EYS: variants seen among roughly 807,000 people sequenced by gnomAD.
EYS encodes the protein EGF-like photoreceptor maintenance factor, also known as protein eyes shut homolog.
Under a neutral mutation model 282.1 loss-of-function variants are expected in EYS, and 250 were observed. The ratio of observed to expected loss-of-function variants is 0.89; its 90% CI spans 0.80 to 0.98. The LOEUF (loss-of-function observed/expected upper bound fraction) is 0.98, where lower values mean the gene tolerates loss of function less well. EYS is among the 50% of genes least tolerant of loss of function. EYS has a pLI of 0.00. For synonymous variants in EYS, 1,355 were observed against 1,282.9 expected (o/e 1.06, Z -1.20); for missense variants, 4,016 against 3,709.0 (o/e 1.08, Z -2.15).
intron 12 of EYS, among the ~76,000 whole-genome samples, chr6:65,176,480 A>T (rs1433373350): frequency 6.6e-6 from 1 of 151,660 alleles, no homozygotes; most frequent in Non-Finnish European, 1.5e-5. Flanking sequence ...TTTTACTTTT[A>T]TATAATGACA....
At chr6:64,705,642 C>A (rs1770978831) in intron 22 of EYS, among the ~76,000 whole-genome samples, 1 of 151,574 alleles carries the variant, frequency 6.6e-6, no homozygotes, top group Admixed American at 6.6e-5. Context: ...GAATACTATG[C>A]AGCCATAAAA....
chr6:64,125,175 TCG>T (rs199961811), intron 31 of EYS, among the ~76,000 whole-genome samples: 1,677 of 150,342 alleles, frequency 0.011, 37 homozygotes, highest in African/African-American at 0.039. Flanking sequence ...TCTCTCTCTC[TCG>T]CTCTCTCTCT....
chr6:65,043,688 C>T lies in EYS; in HGVS notation c.2137+13926G>A, dbSNP rs146561563. On this transcript the variant is annotated intron_variant, in intron 13 of 42. Transcript: ENST00000503581. ...ATTATTTTATTTAACATAATGTTCT[C>T]CCTATAGGTTAATCAATGTTGTCAC... Among the ~76,000 whole-genome samples, 244 of 151,334 alleles carry T rather than the reference C, an allele frequency of 1.6e-3. 1 individual carries two copies. The highest frequency in any genetic ancestry group is 5.7e-3 in the African/African-American group (237 of 41,390).
At chr6:64,309,582 T>C (rs893922439) in intron 29 of EYS, among the ~76,000 whole-genome samples, 1 of 68,760 alleles carries the variant, frequency 1.5e-5, no homozygotes, top group Non-Finnish European at 2.8e-5. Flanking sequence ...ACTTTAAATA[T>C]ACAAACAACC....
In EYS at chr6:64,098,997, G is replaced by T. The variant is rs34206904; in HGVS notation, c.6425-16995C>A. On this transcript the variant is annotated intron_variant, in intron 31 of 42. Transcript: ENST00000503581. ...TGCAAGACAAATTATAAAGTCATTG[G>T]TAATTATAAAAATTAGCACCCAGAA... Among the ~76,000 whole-genome samples the T allele has an allele frequency of 5.7e-3, 870 of 152,140 alleles. 9 individuals carry two copies. The highest frequency in any genetic ancestry group is 0.019 in the African/African-American group (798 of 41,490).
rs193265457 is a variant in EYS, at chr6:65,692,403, A to G, written c.-448+14732T>C. Among the ~76,000 whole-genome samples the G allele has an allele frequency of 5.2e-4, 78 of 150,328 alleles. 3 individuals are homozygous for G. The highest frequency in any genetic ancestry group is 1.5e-3 in the South Asian group (7 of 4,706). ...CCACACTTGTGCTCCCTAAAACTAT[A>G]AAAATAAAATTAAAAAGAAGCAGAA... On this transcript the variant is annotated intron_variant, in intron 1 of 42. Transcript: ENST00000503581.
intron 11 of EYS, chr6:65,332,089 C>T (rs932620429): frequency 7.3e-5 from 24 of 328,682 alleles, no homozygotes; most frequent in African/African-American, 4.1e-4. Context: ...AGCCTTTCAC[C>T]GTAAAGTATA....
chr6:64,222,894 T>A (rs565156801), intron 31 of EYS, among the ~76,000 whole-genome samples: 3 of 152,154 alleles, frequency 2.0e-5, no homozygotes, highest in African/African-American at 7.2e-5. Context: ...GTAATTTGTT[T>A]TAGTCTTATA....
At chr6:64,280,632 A>G (rs1341904382) in intron 30 of EYS, among the ~76,000 whole-genome samples, 1 of 152,144 alleles carries the variant, frequency 6.6e-6, no homozygotes, top group Admixed American at 6.5e-5. Flanking sequence ...AACCCTGTGA[A>G]TATGAATCTC....
chr6:65,195,346 C>T (rs1367915114), intron 12 of EYS, among the ~76,000 whole-genome samples: 1 of 151,908 alleles, frequency 6.6e-6, no homozygotes, highest in Non-Finnish European at 1.5e-5. Context: ...CATGTCTATT[C>T]ATAAAACATC....
intron 28 of EYS, among the ~76,000 whole-genome samples, chr6:64,407,229 A>G (rs1390174852): frequency 6.6e-6 from 1 of 151,774 alleles, no homozygotes; most frequent in African/African-American, 2.4e-5. Context: ...GTTCTCACTC[A>G]TAAGTGGGAG....
chr6:65,653,631 C>A (rs1281793852), intron 1 of EYS, among the ~76,000 whole-genome samples: 1 of 151,902 alleles, frequency 6.6e-6, no homozygotes, highest in African/African-American at 2.4e-5. Flanking sequence ...AGATTTACAG[C>A]AACACCATGT....
chr6:65,621,262 G>T (rs149910191), intron 2 of EYS, among the ~76,000 whole-genome samples: 1 of 152,248 alleles, frequency 6.6e-6, no homozygotes, highest in African/African-American at 2.4e-5. Flanking sequence ...ATATATTTAG[G>T]ACAGTTAGCT....
intron 35 of EYS, among the ~76,000 whole-genome samples, chr6:63,972,149 T>C: frequency 6.6e-6 from 1 of 152,354 alleles, no homozygotes; most frequent in Non-Finnish European, 1.5e-5. Context: ...GAAATTAGTT[T>C]AGTTACTTCT....
chr6:63,721,401 G>A lies in EYS; in HGVS notation c.8630C>T (p.Thr2877Ile), dbSNP rs1383915143. Residue 2877 changes from threonine (T) to isoleucine (I), a missense_variant, in exon 43 of 43, where the codon ACA becomes ATA. By Grantham distance (89) the Thr-to-Ile change is moderately conservative. Transcript: ENST00000503581. ...GGSNVGDCDG[T>I]ACGYNTCRNG... ...TCTGCATGTGTTGTACCCACAGGCTGTCCCATCACAGTCACCTACATTTGA... is the reference window on the plus strand; with the variant it reads ...TCTGCATGTGTTGTACCCACAGGCTATCCCATCACAGTCACCTACATTTGA... 1.3e-6 allele frequency: 2 copies of A among 1,551,444 alleles called. No individual in the cohort carries two copies. Among genetic ancestry groups the A allele is most frequent in the African/African-American group, 1.4e-5 (1 of 72,982 alleles).
At chr6:64,653,932 A>T (rs1768656816) in intron 22 of EYS, among the ~76,000 whole-genome samples, 1 of 152,132 alleles carries the variant, frequency 6.6e-6, no homozygotes, top group Admixed American at 6.6e-5. Context: ...GATAATCACA[A>T]AAAGTAGACA....
chr6:65,171,677 A>G (rs1765109226), intron 12 of EYS, among the ~76,000 whole-genome samples: 1 of 151,436 alleles, frequency 6.6e-6, no homozygotes, highest in Non-Finnish European at 1.5e-5. Flanking sequence ...CTACCAAGCA[A>G]ACACTGCTCA....
chr6:64,985,983 C>T (rs1770846306), intron 14 of EYS, among the ~76,000 whole-genome samples: 1 of 151,450 alleles, frequency 6.6e-6, no homozygotes, highest in Admixed American at 6.6e-5. Flanking sequence ...TCACAGCTCT[C>T]CATACTCATA....
At chr6:64,844,149 A>G (rs970649697) in intron 19 of EYS, among the ~76,000 whole-genome samples, 2 of 152,102 alleles carry the variant, frequency 1.3e-5, no homozygotes, top group South Asian at 2.1e-4. Flanking sequence ...AGTCGCTGGT[A>G]TGTCTTTATC....
Sources: allele counts gnomAD v4.1 joint callset (sites outside exome capture counted in the v4.1 genomes callset), GRCh38; gene constraint gnomAD v4.1.1; transcripts MANE v1.5; gene names NCBI Gene and HGNC (gene_info 2026-07-23, HGNC 2026-07-21).